The following SKIC2 variants were observed in gnomAD, a reference collection of about 807,000 sequenced individuals.
The protein encoded by SKIC2 is SKI2 subunit of superkiller complex, also known as superkiller complex protein 2.
the SKIC2 span, chr6:31,962,915 C>T: frequency 1.5e-6 from 2 of 1,361,396 alleles, no homozygotes; most frequent in Non-Finnish European, 1.0e-6. The surrounding 1 kb of genome is among the most constrained non-coding windows in gnomAD (Gnocchi z 5.0). Context: ...CATATGGAAT[C>T]CTGTGCCTCT....
the SKIC2 span, chr6:31,968,504 C>T: frequency 1.9e-6 from 3 of 1,612,900 alleles, no homozygotes; most frequent in Non-Finnish European, 8.5e-7. This position sits in a 1 kb window ranked among gnomAD's most constrained non-coding sequence, Gnocchi z 6.1. Context: ...ATCCAGGGGG[C>T]TCAGTGTGTA....
chr6:31,969,051 G>A, the SKIC2 span: 3 of 1,611,938 alleles, frequency 1.9e-6, no homozygotes, highest in Non-Finnish European at 2.5e-6. The surrounding 1 kb of genome is among the most constrained non-coding windows in gnomAD (Gnocchi z 6.1). Context: ...CCAGAGCCCT[G>A]GGGACGCTGG....
the SKIC2 span, chr6:31,969,526 G>A: frequency 6.2e-7 from 1 of 1,613,482 alleles, no homozygotes; most frequent in Middle Eastern, 1.6e-4. The surrounding 1 kb of genome is among the most constrained non-coding windows in gnomAD (Gnocchi z 6.1). Context: ...CCTTCTCCGA[G>A]TTGGCAGGGC....
chr6:31,963,508 AG>A, the SKIC2 span: 3 of 1,608,014 alleles, frequency 1.9e-6, no homozygotes, highest in Non-Finnish European at 1.7e-6. The surrounding 1 kb of genome is among the most constrained non-coding windows in gnomAD (Gnocchi z 5.3). Context: ...TCCAAGACCC[AG>A]GGGGAGCTCT....
At chr6:31,969,087 C>G in the SKIC2 span, 2 of 1,610,038 alleles carry the variant, frequency 1.2e-6, no homozygotes, top group South Asian at 2.2e-5. The surrounding 1 kb of genome is among the most constrained non-coding windows in gnomAD (Gnocchi z 6.1). Flanking sequence ...CACCCTCAAG[C>G]AGGTAGGGGA....
At chr6:31,966,397 C>T in the SKIC2 span, among the ~76,000 whole-genome samples, 143 of 152,244 alleles carry the variant, frequency 9.4e-4, 1 homozygote, top group African/African-American at 3.3e-3. The surrounding 1 kb of genome is among the most constrained non-coding windows in gnomAD (Gnocchi z 5.9). Context: ...TGGGCCACAG[C>T]GCCCAACTTC....
chr6:31,965,825 C>G, the SKIC2 span: 2 of 1,612,608 alleles, frequency 1.2e-6, no homozygotes, highest in Non-Finnish European at 8.5e-7. This position sits in a 1 kb window ranked among gnomAD's most constrained non-coding sequence, Gnocchi z 5.6. Context: ...AGTAAACATG[C>G]CTGCTCGTAC....
the SKIC2 span, among the ~76,000 whole-genome samples, chr6:31,965,187 A>C: frequency 1.3e-5 from 2 of 152,218 alleles, no homozygotes; most frequent in Non-Finnish European, 2.9e-5. This position sits in a 1 kb window ranked among gnomAD's most constrained non-coding sequence, Gnocchi z 5.6. Context: ...ATTCCTGGGT[A>C]TATATCACAA....
At chr6:31,968,261 A>G in the SKIC2 span, 1 of 1,485,582 alleles carries the variant, frequency 6.7e-7, no homozygotes, top group Non-Finnish European at 9.3e-7. This position sits in a 1 kb window ranked among gnomAD's most constrained non-coding sequence, Gnocchi z 6.1. Flanking sequence ...GGGCTTCCAC[A>G]GCCTGAGGGA....
the SKIC2 span, chr6:31,962,385 A>T: frequency 6.3e-7 from 1 of 1,594,906 alleles, no homozygotes; most frequent in Non-Finnish European, 8.6e-7. The surrounding 1 kb of genome is among the most constrained non-coding windows in gnomAD (Gnocchi z 5.0). Context: ...TGGGAGAGGA[A>T]GTGCGGGCCA....
At chr6:31,965,665 C>T in the SKIC2 span, 1 of 642,640 alleles carries the variant, frequency 1.6e-6, no homozygotes. The surrounding 1 kb of genome is among the most constrained non-coding windows in gnomAD (Gnocchi z 5.6). Context: ...TCAGTGAGAT[C>T]CCATAAGTAA....
At chr6:31,962,925 T>C in the SKIC2 span, 1 of 1,418,504 alleles carries the variant, frequency 7.0e-7, no homozygotes. This position sits in a 1 kb window ranked among gnomAD's most constrained non-coding sequence, Gnocchi z 5.0. Flanking sequence ...CCTGTGCCTC[T>C]TTATGGGCAG....
the SKIC2 span, chr6:31,960,200 G>GT: frequency 6.2e-7 from 1 of 1,611,252 alleles, no homozygotes; most frequent in Non-Finnish European, 8.5e-7. Context: ...AGACCCAAAA[G>GT]TTACTATTTT....
chr6:31,965,742 G>A, the SKIC2 span: 28 of 1,282,870 alleles, frequency 2.2e-5, no homozygotes, highest in Non-Finnish European at 2.9e-5. This position sits in a 1 kb window ranked among gnomAD's most constrained non-coding sequence, Gnocchi z 5.6. Context: ...GTGTGTGTAT[G>A]TAGAGCCTTT....
the SKIC2 span, among the ~76,000 whole-genome samples, chr6:31,964,837 T>G: frequency 1.3e-5 from 2 of 152,146 alleles, no homozygotes; most frequent in Non-Finnish European, 2.9e-5. The surrounding 1 kb of genome is among the most constrained non-coding windows in gnomAD (Gnocchi z 5.0). Context: ...ATAACTATAT[T>G]GGCCGGGCAT....
the SKIC2 span, chr6:31,968,731 C>T: frequency 6.8e-6 from 11 of 1,612,800 alleles, no homozygotes; most frequent in African/African-American, 2.7e-5. This position sits in a 1 kb window ranked among gnomAD's most constrained non-coding sequence, Gnocchi z 6.1. Context: ...GGAGATGGAG[C>T]GGCTGCGCTT....
the SKIC2 span, chr6:31,960,739 A>G: frequency 6.4e-6 from 10 of 1,556,392 alleles, no homozygotes; most frequent in Middle Eastern, 3.5e-4. Flanking sequence ...ACTTTGAGAA[A>G]GGTAAGGTGG....
At chr6:31,962,692 A>C in the SKIC2 span, 1 of 1,610,714 alleles carries the variant, frequency 6.2e-7, no homozygotes, top group Non-Finnish European at 8.5e-7. The surrounding 1 kb of genome is among the most constrained non-coding windows in gnomAD (Gnocchi z 5.0). Flanking sequence ...TGGGGAGTCA[A>C]TCCTTGGCCT....
the SKIC2 span, chr6:31,967,891 G>A: frequency 6.2e-7 from 1 of 1,612,886 alleles, no homozygotes; most frequent in Non-Finnish European, 8.5e-7. The surrounding 1 kb of genome is among the most constrained non-coding windows in gnomAD (Gnocchi z 4.9). Context: ...TCTGTTTTCT[G>A]CCAGCAGTAT....
Sources: gnomAD v4.1 joint callset for allele counts (sites outside exome capture counted in the v4.1 genomes callset) on GRCh38, gnomAD v4.1.1 for gene constraint, Gnocchi (gnomAD v3.1) non-coding constraint, MANE v1.5 for transcripts, NCBI Gene and HGNC (gene_info 2026-07-23, HGNC 2026-07-21) for gene names.